Variants in ARHGAP10 observed in about 807,000 individuals in gnomAD.
ARHGAP10 encodes Rho GTPase activating protein 10, also known as rho GTPase-activating protein 10.
Under a neutral mutation model 108.6 loss-of-function variants are expected in ARHGAP10, and 87 were observed. The ratio of observed to expected loss-of-function variants is 0.80; its 90% CI spans 0.67 to 0.96. ARHGAP10 has a LOEUF of 0.96. Ranked by LOEUF, ARHGAP10 falls within the 40% of genes least tolerant of loss-of-function variation. The probability of loss-of-function intolerance (pLI) is 0.00; values close to 1 mark genes in which losing one functional copy is unlikely to be tolerated. For missense variants in ARHGAP10, 939 were observed against 954.5 expected (o/e 0.98, Z 0.21); for synonymous variants, 347 against 341.1 (o/e 1.02, Z -0.19).
chr4:147,826,534 C>T (rs1732714307), intron 3 of ARHGAP10, among the ~76,000 whole-genome samples: 1 of 152,130 alleles, frequency 6.6e-6, no homozygotes, highest in African/African-American at 2.4e-5. Flanking sequence ...CCACAGCCAA[C>T]CACGGAATTA....
At chr4:147,759,908 C>G (rs928904565) in intron 1 of ARHGAP10, among the ~76,000 whole-genome samples, 1 of 152,124 alleles carries the variant, frequency 6.6e-6, no homozygotes, top group Non-Finnish European at 1.5e-5. Flanking sequence ...GCCACCATGC[C>G]TGGCTAATTT....
In ARHGAP10 at chr4:147,857,765, A is replaced by G. The variant is rs181410518; in HGVS notation, c.486+111A>G. The G allele has an allele frequency of 8.4e-5, 81 of 959,870 alleles. 1 individual carries two copies. The East Asian group carries it at 2.0e-3, about 24-fold the overall frequency. 59.5% of individuals were successfully genotyped at this position (959,870 alleles called of 1,614,324 possible). A position where few individuals can be genotyped will look rare whatever the true frequency, so the allele number is the denominator to read the frequency against. ...TTTCATCTGGCATTATATAGAGATA[A>G]CAAAAAGTGAACAGGTATTGTCATA... On this transcript the variant is annotated intron_variant, in intron 5 of 22. Coordinates refer to ENST00000336498, the MANE Select transcript of ARHGAP10 (RefSeq NM_024605.4).
intron 10 of ARHGAP10, among the ~76,000 whole-genome samples, chr4:147,895,888 G>A (rs1313862628): frequency 6.6e-6 from 1 of 152,164 alleles, no homozygotes; most frequent in African/African-American, 2.4e-5. Context: ...ATTGCTTGTA[G>A]ATGCCCTTTT....
At chr4:147,743,685 G>A (rs1039538883) in intron 1 of ARHGAP10, among the ~76,000 whole-genome samples, 4 of 152,198 alleles carry the variant, frequency 2.6e-5, no homozygotes, top group Admixed American at 2.6e-4. Flanking sequence ...GCTGAGGCAG[G>A]AGAATCGCTT....
rs368488295 is a variant in ARHGAP10 at position 147,866,827 on chromosome 4, G to A, written c.702+11G>A. The A allele has an allele frequency of 6.4e-6, 10 of 1,560,144 alleles. No homozygotes were observed. The African/African-American group carries it at 1.4e-4, about 21-fold the overall frequency. ...ATCAACATTCAGAATGTAAGGAAGT[G>A]AAAGCTTTCTTTATAAAAAGATGTT... is the stretch of plus-strand genomic sequence containing the variant. On this transcript the variant is annotated intron_variant, in intron 7 of 22. Coordinates refer to ENST00000336498, the MANE Select transcript of ARHGAP10 (RefSeq NM_024605.4).
chr4:147,883,269 C>T (rs1269756454), intron 10 of ARHGAP10, among the ~76,000 whole-genome samples: 2 of 152,194 alleles, frequency 1.3e-5, no homozygotes, highest in East Asian at 3.8e-4. Context: ...CTATGTTGCC[C>T]AAGCTGGTCT....
chr4:147,990,763 G>A (rs764221266), intron 18 of ARHGAP10, among the ~76,000 whole-genome samples: 13 of 152,118 alleles, frequency 8.5e-5, no homozygotes, highest in African/African-American at 1.4e-4. Context: ...AGACGCCGAG[G>A]TCTACTTGAG....
At chr4:147,784,487 TTTAA>T (rs1730724828) in intron 1 of ARHGAP10, among the ~76,000 whole-genome samples, 4 of 122,068 alleles carry the variant, frequency 3.3e-5, no homozygotes, top group Middle Eastern at 0.012. Flanking sequence ...TATATATATA[TTTAA>T]TTTATATATA....
rs564562926 is a variant in ARHGAP10, at chr4:147,958,419, C to T, written c.1450+3045C>T. On this transcript the variant is annotated intron_variant, in intron 16 of 22. Coordinates refer to ENST00000336498, the MANE Select transcript of ARHGAP10 (RefSeq NM_024605.4). The stretch of plus-strand genomic sequence containing the variant: ...AGTTAGTTGGGAAGCAAAATGATTA[C>T]CACAAAGGTCTTTGGTTATTTATCA... Among the ~76,000 whole-genome samples, 31 of 152,158 alleles carry T rather than the reference C, an allele frequency of 2.0e-4. 1 individual carries two copies. Among genetic ancestry groups the T allele is most frequent in the South Asian group, 6.2e-4 (3 of 4,824 alleles).
chr4:147,851,419 C>T (rs1283063809), intron 4 of ARHGAP10, among the ~76,000 whole-genome samples: 1 of 152,050 alleles, frequency 6.6e-6, no homozygotes, highest in East Asian at 1.9e-4. Flanking sequence ...CTCTGTGTTG[C>T]CCAGGCTGGT....
intron 11 of ARHGAP10, 147 bp from the exon 12 acceptor site, chr4:147,909,585 G>A (rs1401824220): frequency 1.5e-6 from 1 of 653,620 alleles, no homozygotes; most frequent in African/African-American, 1.8e-5. Context: ...AGGAAGTGGG[G>A]ATGCAGACCA....
intron 13 of ARHGAP10, among the ~76,000 whole-genome samples, chr4:147,934,590 C>T (rs1465615167): frequency 6.6e-6 from 1 of 152,196 alleles, no homozygotes; most frequent in Non-Finnish European, 1.5e-5. Flanking sequence ...AATCCCAGCA[C>T]TTTGGGATGC....
intron 19 of ARHGAP10, among the ~76,000 whole-genome samples, chr4:148,041,999 A>C (rs1435878686): frequency 1.3e-5 from 2 of 152,168 alleles, no homozygotes; most frequent in African/African-American, 2.4e-5. Context: ...CAGATCAATA[A>C]AACTATCCCA....
chr4:147,890,838 C>CA (rs763467685), intron 10 of ARHGAP10, among the ~76,000 whole-genome samples: 19 of 151,080 alleles, frequency 1.3e-4, no homozygotes, highest in Admixed American at 6.0e-4. Context: ...AAAAAAACAA[C>CA]AAAAAAAACC....
At chr4:147,889,144 A>G (rs371546630) in intron 10 of ARHGAP10, among the ~76,000 whole-genome samples, 10 of 152,322 alleles carry the variant, frequency 6.6e-5, no homozygotes, top group African/African-American at 2.4e-4. Flanking sequence ...CAATCAAGCA[A>G]CTGTCAGTCA....
intron 18 of ARHGAP10, among the ~76,000 whole-genome samples, chr4:147,967,826 G>A (rs576285962): frequency 3.9e-5 from 6 of 152,198 alleles, no homozygotes; most frequent in Admixed American, 2.6e-4. Context: ...AGAATCACCT[G>A]AGGGCCTCTT....
chr4:147,927,024 C>G (rs1333652486), intron 13 of ARHGAP10, among the ~76,000 whole-genome samples: 1 of 152,160 alleles, frequency 6.6e-6, no homozygotes, highest in Non-Finnish European at 1.5e-5. Context: ...GTCTAAGTCT[C>G]AGAGGTAGAG....
Position 147,913,070 on chromosome 4 carries a change from G to A in ARHGAP10, c.1163-4G>A, listed in dbSNP as rs773024489. The A allele has an allele frequency of 1.2e-5, 19 of 1,611,882 alleles. No homozygotes were observed. The highest frequency in any genetic ancestry group is 1.6e-5 in the Non-Finnish European group (19 of 1,178,260). The stretch of plus-strand genomic sequence containing the variant: ...CACTTAATGTTTTAAACTGTTTCTT[G>A]TAGATGCACAGTTGGATAAGATGGG... On this transcript the variant is annotated splice_region_variant and splice_polypyrimidine_tract_variant and intron_variant, in intron 12 of 22. Transcript: ENST00000336498.
At chr4:147,787,528 G>T (rs1261365508) in intron 1 of ARHGAP10, among the ~76,000 whole-genome samples, 1 of 152,138 alleles carries the variant, frequency 6.6e-6, no homozygotes, top group African/African-American at 2.4e-5. Context: ...GAATCTGGGG[G>T]ACTCTGGGCA....
Sources: allele counts gnomAD v4.1 joint callset (sites outside exome capture counted in the v4.1 genomes callset), GRCh38; gene constraint gnomAD v4.1.1; transcripts MANE v1.5; gene names NCBI Gene and HGNC (gene_info 2026-07-23, HGNC 2026-07-21).